The following CCDC146 variants were observed in gnomAD, a reference collection of about 807,000 sequenced individuals.
CCDC146 encodes the protein coiled-coil domain-containing protein 146.
In CCDC146, 92 loss-of-function variants were observed where a neutral mutation model predicts 119.3. The observed-to-expected ratio is 0.77, with a 90% CI of 0.65 to 0.92. The LOEUF (loss-of-function observed/expected upper bound fraction) is 0.92. CCDC146 is among the 40% of genes least tolerant of loss of function. The pLI is 0.00. For missense variants in CCDC146, 1,000 were observed against 1,103.0 expected (o/e 0.91, Z 1.32); for synonymous variants, 372 against 371.8 (o/e 1.00, Z -0.01).
rs762832152 is a variant in CCDC146, at chr7:77,279,001, C to A, written c.1594C>A (p.Leu532Ile). 1.5e-5 allele frequency: 24 copies of A among 1,611,834 alleles called. No individual in the cohort carries two copies. Among genetic ancestry groups the A allele is most frequent in the Non-Finnish European group, 2.0e-5 (23 of 1,179,222 alleles). ...RNERNKFVNLLHKAHQKVNEI... is the reference protein window; with the variant it reads ...RNERNKFVNLIHKAHQKVNEI... The stretch of plus-strand genomic sequence containing the variant: ...TGAAAGAAACAAATTTGTTAACTTA[C>A]TCCACAAAGCTCATCAGAAAGTAAA... Residue 532 changes from leucine (L) to isoleucine (I), a missense_variant, in exon 13 of 19, where the codon CTC (leucine) becomes ATC (isoleucine). Leu to Ile is a conservative substitution (Grantham distance 5, BLOSUM62 2). Coordinates refer to ENST00000285871, the MANE Select transcript of CCDC146 (RefSeq NM_020879.3).
chr7:77,176,277 A>G (rs1791498204), intron 2 of CCDC146, among the ~76,000 whole-genome samples: 2 of 151,104 alleles, frequency 1.3e-5, no homozygotes, highest in Admixed American at 6.6e-5. Context: ...CATTCCTACC[A>G]TCTCACCAGT....
intron 10 of CCDC146, 73 bp from the exon 11 acceptor site, chr7:77,274,409 G>A: frequency 9.7e-7 from 1 of 1,027,726 alleles, no homozygotes; most frequent in Admixed American, 2.9e-5. Context: ...TAAAAAGGTA[G>A]TCTAAGATAC....
intron 8 of CCDC146, 44 bp from the exon 9 acceptor site, chr7:77,262,077 C>A: frequency 6.8e-7 from 1 of 1,474,214 alleles, no homozygotes; most frequent in Non-Finnish European, 9.2e-7. Flanking sequence ...TTTAGGACAG[C>A]TGATAACAAA....
At chr7:77,226,681 C>T (rs903413134) in intron 2 of CCDC146, among the ~76,000 whole-genome samples, 2 of 152,180 alleles carry the variant, frequency 1.3e-5, no homozygotes, top group Non-Finnish European at 2.9e-5. Context: ...TTATATCTAA[C>T]CTTTCATTGT....
chr7:77,280,583 A>C lies in CCDC146; in HGVS notation c.1849A>C (p.Thr617Pro), dbSNP rs1386307355. ...CATTGACAGACTTGCCAACACGATCACAATGATCGAAGAGGAGATGGTGCA... is the reference window on the plus strand; with the variant it reads ...CATTGACAGACTTGCCAACACGATCCCAATGATCGAAGAGGAGATGGTGCA... ...NNIDRLANTI[T>P]MIEEEMVQLR... The change falls in exon 14 of 19, where the codon ACA (threonine) becomes CCA (proline). Residue 617 changes from threonine to proline, a missense_variant. This residue lies in a region of CCDC146 where 985 missense variants were observed against 1,045.3 expected (regional missense o/e 0.94). Transcript: ENST00000285871. 6.2e-7 allele frequency: 1 copy of C among 1,614,164 alleles called. No homozygotes were observed. The highest frequency in any genetic ancestry group is 1.1e-5 in the South Asian group (1 of 91,072).
At chr7:77,224,204 T>C (rs1049065818) in intron 2 of CCDC146, among the ~76,000 whole-genome samples, 3 of 152,228 alleles carry the variant, frequency 2.0e-5, no homozygotes, top group Admixed American at 1.3e-4. Flanking sequence ...GAGCCTCAGT[T>C]GGCTAAAATC....
chr7:77,146,743 T>C (rs546141409), intron 1 of CCDC146, among the ~76,000 whole-genome samples: 1 of 152,352 alleles, frequency 6.6e-6, no homozygotes, highest in East Asian at 1.9e-4. Context: ...TGGCCCCCAC[T>C]AACTTCTGGC....
intron 16 of CCDC146, 71 bp from the exon 17 acceptor site, chr7:77,287,369 C>A: frequency 6.5e-7 from 1 of 1,532,308 alleles, no homozygotes; most frequent in South Asian, 1.2e-5. Context: ...AGATACTGCT[C>A]TAATTAGGAA....
chr7:77,282,712 A>G lies in CCDC146; in HGVS notation c.2075A>G (p.Gln692Arg). ...ATGAAGATTGCTGAGAAGCAAAGAC[A>G]AATTTGTGTGACCCAGAAATTACTG... ...LKMKIAEKQR[Q>R]ICVTQKLLPA... Residue 692 changes from glutamine to arginine, a missense_variant, in exon 15 of 19, where the codon CAA becomes CGA. Around this residue, in one of 2 missense-constraint regions of CCDC146, gnomAD observed 985 missense variants for 1,045.3 expected, o/e 0.94. Coordinates refer to ENST00000285871, the MANE Select transcript of CCDC146 (RefSeq NM_020879.3). 5 of 1,614,256 alleles carry G rather than the reference A, an allele frequency of 3.1e-6. No homozygotes were observed. Among genetic ancestry groups the G allele is most frequent in the Non-Finnish European group, 4.2e-6 (5 of 1,180,044 alleles).
chr7:77,196,423 T>C lies in CCDC146; in HGVS notation c.156+28599T>C. Reference sequence around the variant, plus strand: ...CACCTCTGTATTTTTGGTGATAATATTTGCCATTTAAGTTTGCAGAAAGAC... The same window carrying C: ...CACCTCTGTATTTTTGGTGATAATACTTGCCATTTAAGTTTGCAGAAAGAC... On this transcript the variant is annotated intron_variant, in intron 2 of 18. Coordinates refer to ENST00000285871, the MANE Select transcript of CCDC146 (RefSeq NM_020879.3). This position sits in a 1 kb window ranked among gnomAD's most constrained non-coding sequence, Gnocchi z 4.2. 1 of 1,614,132 alleles carries C rather than the reference T, an allele frequency of 6.2e-7. No homozygotes were observed.
intron 18 of CCDC146, among the ~76,000 whole-genome samples, 175 bp from the exon 19 acceptor site, chr7:77,294,488 G>GTGTGTGTGTT (rs1794009542): frequency 6.6e-6 from 1 of 151,584 alleles, no homozygotes; most frequent in East Asian, 1.9e-4. Flanking sequence ...GTGTGTGTGT[G>GTGTGTGTGTT]TGTGTGTGTG....
intron 1 of CCDC146, among the ~76,000 whole-genome samples, chr7:77,138,999 T>C (rs958304190): frequency 6.6e-6 from 1 of 152,226 alleles, no homozygotes; most frequent in Non-Finnish European, 1.5e-5. Context: ...CCAGCAATCA[T>C]GCTCCTTAAT....
At chr7:77,170,586 G>A (rs1451370939) in intron 2 of CCDC146, among the ~76,000 whole-genome samples, 1 of 152,124 alleles carries the variant, frequency 6.6e-6, no homozygotes, top group African/African-American at 2.4e-5. Flanking sequence ...AAACTAAAGA[G>A]CCTCTTCACA....
intron 1 of CCDC146, among the ~76,000 whole-genome samples, chr7:77,124,971 T>G (rs1790672584): frequency 6.6e-6 from 1 of 151,320 alleles, no homozygotes; most frequent in Non-Finnish European, 1.5e-5. Context: ...GACAGGTGGA[T>G]CACCTGAGGT....
At chr7:77,139,609 A>G (rs865935266) in intron 1 of CCDC146, among the ~76,000 whole-genome samples, 5 of 152,190 alleles carry the variant, frequency 3.3e-5, no homozygotes, top group East Asian at 1.9e-4. Flanking sequence ...AGTTATGCAC[A>G]TATGGGAACA....
chr7:77,262,812 C>T (rs759905414), intron 9 of CCDC146, among the ~76,000 whole-genome samples: 1 of 152,194 alleles, frequency 6.6e-6, no homozygotes, highest in Non-Finnish European at 1.5e-5. Flanking sequence ...GTACTCCAGT[C>T]AGAAGATGCT....
intron 2 of CCDC146, among the ~76,000 whole-genome samples, chr7:77,173,254 C>T (rs1193775459): frequency 2.0e-5 from 3 of 152,028 alleles, no homozygotes; most frequent in Non-Finnish European, 2.9e-5. Flanking sequence ...ACATTATGAT[C>T]ACATTAAGAC....
Position 77,257,281 on chromosome 7 carries a change from G to A in CCDC146, c.684+772G>A, listed in dbSNP as rs1421105204. On this transcript the variant is annotated intron_variant, in intron 6 of 18. Transcript: ENST00000285871. ...CTGTATTTATGTTTTAGGAGATAAT[G>A]AATTAAAATTCATTTTACTTTGAAA... is the stretch of plus-strand genomic sequence containing the variant. The A allele has an allele frequency of 2.6e-5, 4 of 152,224 alleles. No homozygotes were observed. In the East Asian group the frequency reaches 5.8e-4, roughly 22 times the overall value. 9.4% of individuals were successfully genotyped at this position (152,224 alleles called of 1,614,324 possible).
intron 9 of CCDC146, among the ~76,000 whole-genome samples, chr7:77,270,127 A>G (rs1192551870): frequency 6.6e-6 from 1 of 152,204 alleles, no homozygotes; most frequent in South Asian, 2.1e-4. Flanking sequence ...AAAAATATCA[A>G]AGTGTTAAGC....
Sources: allele counts gnomAD v4.1 joint callset (sites outside exome capture counted in the v4.1 genomes callset), GRCh38; gene constraint gnomAD v4.1.1; regional missense constraint gnomAD v4.1.1; non-coding constraint Gnocchi (gnomAD v3.1); transcripts MANE v1.5; gene names NCBI Gene and HGNC (gene_info 2026-07-23, HGNC 2026-07-21).